PXK: variants seen among roughly 807,000 people sequenced by gnomAD.
PXK encodes PX domain containing serine/threonine kinase like, also known as PX domain-containing protein kinase-like protein.
PXK carries 35 observed loss-of-function variants against 84.7 expected under a neutral mutation model. That is an observed-to-expected ratio of 0.41 (90% CI 0.32 to 0.55). The LOEUF (loss-of-function observed/expected upper bound fraction) is 0.55, where lower values mean the gene tolerates loss of function less well. PXK is among the 20% of genes least tolerant of loss of function. PXK has a pLI of 0.21. For synonymous variants in PXK, 253 were observed against 260.8 expected (o/e 0.97, Z 0.29); for missense variants, 634 against 699.7 (o/e 0.91, Z 1.06).
rs142724898 is a variant in PXK, at chr3:58,341,434, C to T, written c.102+8344C>T. ...AAAATTAGCTGAGAGTGGTAGTGCACGCCTGTAATACTAGCTACTTGGGAG... is the reference window on the plus strand; with the variant it reads ...AAAATTAGCTGAGAGTGGTAGTGCATGCCTGTAATACTAGCTACTTGGGAG... On this transcript the variant is annotated intron_variant, in intron 1 of 17. Coordinates refer to ENST00000356151, the MANE Select transcript of PXK (RefSeq NM_017771.5). Among the ~76,000 whole-genome samples the T allele has an allele frequency of 5.9e-3, 892 of 151,988 alleles. 13 individuals are homozygous for T. Among genetic ancestry groups the T allele is most frequent in the African/African-American group, 0.021 (850 of 41,440 alleles).
rs1040177607 is a variant in PXK, at chr3:58,383,185, G to T, written c.388+485G>T. On this transcript the variant is annotated intron_variant, in intron 4 of 17. Coordinates refer to ENST00000356151, the MANE Select transcript of PXK (RefSeq NM_017771.5). This position sits in a 1 kb window ranked among gnomAD's most constrained non-coding sequence, Gnocchi z 4.0. ...CACATGCCTGTAATCCTAGCTACTC[G>T]GGAGGCTGAGGCAGGAGAATCGCTT... Among the ~76,000 whole-genome samples, 1 of 152,018 alleles carries T rather than the reference G, an allele frequency of 6.6e-6. No homozygotes were observed. Among genetic ancestry groups the T allele is most frequent in the Admixed American group, 6.5e-5 (1 of 15,268 alleles).
In PXK at chr3:58,412,153, G is replaced by T. The variant is rs1008668616; in HGVS notation, c.1466-748G>T. Among the ~76,000 whole-genome samples, 3 of 152,110 alleles carry T rather than the reference G, an allele frequency of 2.0e-5. No individual in the cohort carries two copies. Among genetic ancestry groups the T allele is most frequent in the African/African-American group, 7.2e-5 (3 of 41,408 alleles). On this transcript the variant is annotated intron_variant, in intron 16 of 17. Coordinates refer to ENST00000356151, the MANE Select transcript of PXK (RefSeq NM_017771.5). This position sits in a 1 kb window ranked among gnomAD's most constrained non-coding sequence, Gnocchi z 6.2. ...TAGGATCTCTATGTGTGGGAGGGGG[G>T]TTTCTGTGTCCACAGAAAGGCTTAC...
At chr3:58,387,812 A>T (rs2098571555) in intron 4 of PXK, among the ~76,000 whole-genome samples, 1 of 152,050 alleles carries the variant, frequency 6.6e-6, no homozygotes, top group Admixed American at 6.6e-5. Flanking sequence ...AGAAGGAGAG[A>T]GGGAGAGAGT....
chr3:58,408,354 A>G (rs1464297212), intron 13 of PXK, among the ~76,000 whole-genome samples: 3 of 152,216 alleles, frequency 2.0e-5, no homozygotes, highest in African/African-American at 7.2e-5. Context: ...TTGGCAATTT[A>G]CAGCCCTTGA....
chr3:58,400,733 T>C lies in PXK; in HGVS notation c.1181+1356T>C, dbSNP rs1001221035. On this transcript the variant is annotated intron_variant, in intron 12 of 17. Transcript: ENST00000356151. The surrounding 1 kb of genome is among the most constrained non-coding windows in gnomAD (Gnocchi z 4.0). ...CAAGACCATCCTGGCCAACGTGTGG[T>C]GAAACCCTGTCTCTACTAAGAAAAT... Among the ~76,000 whole-genome samples the C allele has an allele frequency of 2.0e-5, 3 of 151,964 alleles. No homozygotes were observed. Among genetic ancestry groups the C allele is most frequent in the Non-Finnish European group, 4.4e-5 (3 of 67,966 alleles).
chr3:58,367,924 A>T (rs2098299436), intron 2 of PXK, among the ~76,000 whole-genome samples: 1 of 152,168 alleles, frequency 6.6e-6, no homozygotes. Flanking sequence ...AGCTCGAGCA[A>T]TCCTCCTGCC....
At chr3:58,394,418 T>C (rs952362576) in intron 7 of PXK, among the ~76,000 whole-genome samples, 7 of 152,320 alleles carry the variant, frequency 4.6e-5, no homozygotes, top group Non-Finnish European at 8.8e-5. Context: ...TGTTGCAGAA[T>C]TCTATAGAAG....
intron 3 of PXK, among the ~76,000 whole-genome samples, chr3:58,371,673 T>G (rs1322969625): frequency 2.0e-5 from 3 of 152,346 alleles, no homozygotes; most frequent in East Asian, 3.9e-4. Flanking sequence ...TCCACAACTC[T>G]TCACTTATGG....
At chr3:58,394,305 G>A (rs1002186300) in intron 7 of PXK, among the ~76,000 whole-genome samples, 3 of 152,156 alleles carry the variant, frequency 2.0e-5, no homozygotes, top group Non-Finnish European at 4.4e-5. Flanking sequence ...GAATTCCAGG[G>A]AAAAACAGCA....
chr3:58,353,683 T>C (rs1455564662), intron 1 of PXK, among the ~76,000 whole-genome samples: 1 of 152,214 alleles, frequency 6.6e-6, no homozygotes, highest in African/African-American at 2.4e-5. Flanking sequence ...CTTGCTGTCC[T>C]CTAGGATGAT....
intron 8 of PXK, 24 bp from the exon 9 acceptor site, chr3:58,395,634 C>T (rs370348277): frequency 2.5e-5 from 39 of 1,555,108 alleles, no homozygotes; most frequent in Non-Finnish European, 3.1e-5. Flanking sequence ...TGCTTTCTTA[C>T]GTGTTCTTTG....
chr3:58,372,087 G>GA (rs370029021), intron 3 of PXK, among the ~76,000 whole-genome samples: 1 of 151,296 alleles, frequency 6.6e-6, no homozygotes, highest in Non-Finnish European at 1.5e-5. Context: ...ATGTCTAAGT[G>GA]AAAAAAAAGC....
Position 58,409,303 on chromosome 3 carries a change from C to T in PXK, c.1309-229C>T, listed in dbSNP as rs1317230349. Among the ~76,000 whole-genome samples, 5 of 152,130 alleles carry T rather than the reference C, an allele frequency of 3.3e-5. No individual in the cohort carries two copies. The highest frequency in any genetic ancestry group is 7.3e-5 in the Non-Finnish European group (5 of 68,028). ...CATGCTGTCTCACCACATTCTTCTT[C>T]TGTAAAAGAGGGAAAGGCAGGAAGG... On this transcript the variant is annotated intron_variant, in intron 14 of 17. Coordinates refer to ENST00000356151, the MANE Select transcript of PXK (RefSeq NM_017771.5). This position sits in a 1 kb window ranked among gnomAD's most constrained non-coding sequence, Gnocchi z 4.2.
Position 58,391,268 on chromosome 3 carries a change from T to A in PXK, c.540+48T>A, listed in dbSNP as rs1185594907. ...TCTCCTTCAGTGACTTTAGATGGGT[T>A]AATGAAAGCAGATTTGACAAGAGAA... On this transcript the variant is annotated intron_variant, in intron 6 of 17. Transcript: ENST00000356151. The A allele has an allele frequency of 4.1e-6, 6 of 1,447,108 alleles. No homozygotes were observed. The African/African-American group carries it at 7.0e-5, about 17-fold the overall frequency. The allele number at this position is 1,447,108 out of a possible 1,614,324, so 89.6% of individuals were successfully genotyped here. A position where few individuals can be genotyped will look rare whatever the true frequency, so the allele number is the denominator to read the frequency against.
In PXK at chr3:58,409,436, C is replaced by A; in HGVS notation, c.1309-96C>A. ...TGAGCAAGGAAAGATTTTCTTTTAT[C>A]CCAATAAAATGTGGTTTGCCAAAAC... On this transcript the variant is annotated intron_variant, in intron 14 of 17. Transcript: ENST00000356151. This position sits in a 1 kb window ranked among gnomAD's most constrained non-coding sequence, Gnocchi z 4.2. 8.9e-7 allele frequency: 1 copy of A among 1,120,998 alleles called. No individual in the cohort carries two copies. The highest frequency in any genetic ancestry group is 1.3e-6 in the Non-Finnish European group (1 of 757,976). 69.4% of individuals were successfully genotyped at this position (1,120,998 alleles called of 1,614,324 possible).
chr3:58,360,829 C>T (rs1488618155), intron 1 of PXK, among the ~76,000 whole-genome samples: 1 of 141,566 alleles, frequency 7.1e-6, no homozygotes, highest in Non-Finnish European at 1.5e-5. Context: ...GAGACCCCGA[C>T]TGAAAAAAAA....
intron 4 of PXK, among the ~76,000 whole-genome samples, chr3:58,389,002 C>A (rs1250093770): frequency 6.6e-6 from 1 of 151,930 alleles, no homozygotes; most frequent in Non-Finnish European, 1.5e-5. Flanking sequence ...TTACTCACTG[C>A]AATGAGGGGA....
intron 1 of PXK, among the ~76,000 whole-genome samples, chr3:58,336,969 C>T (rs1220164877): frequency 6.6e-6 from 1 of 152,152 alleles, no homozygotes; most frequent in East Asian, 1.9e-4. Context: ...ACCACCATGC[C>T]TGGCTAATTT....
At chr3:58,356,951 C>A (rs1274087160) in intron 1 of PXK, among the ~76,000 whole-genome samples, 1 of 150,444 alleles carries the variant, frequency 6.6e-6, no homozygotes, top group Non-Finnish European at 1.5e-5. Context: ...GAAAACAGTT[C>A]CCTTTTGATT....
Sources: allele counts gnomAD v4.1 joint callset (sites outside exome capture counted in the v4.1 genomes callset), GRCh38; gene constraint gnomAD v4.1.1; non-coding constraint Gnocchi (gnomAD v3.1); transcripts MANE v1.5; gene names NCBI Gene and HGNC (gene_info 2026-07-23, HGNC 2026-07-21).